Variants in CAST observed in about 807,000 individuals in gnomAD.
CAST encodes calpastatin.
In CAST, 76 loss-of-function variants were observed where a neutral mutation model predicts 119.6. The observed-to-expected ratio is 0.64, with a 90% CI of 0.53 to 0.77. CAST has a LOEUF of 0.77. Ranked by LOEUF, CAST falls within the 30% of genes least tolerant of loss-of-function variation. The pLI is 0.00. For synonymous variants in CAST, 319 were observed against 331.6 expected, an observed-to-expected ratio of 0.96 and a Z score of 0.41; for missense variants, 953 against 946.5, an observed-to-expected ratio of 1.01 and a Z score of -0.09.
chr5:96,104,239 T>A, the CAST span, among the ~76,000 whole-genome samples: 19 of 152,384 alleles, frequency 1.2e-4, no homozygotes, highest in African/African-American at 4.3e-4. Context: ...TTTAGTTTAA[T>A]TACATCCCAT....
the CAST span, among the ~76,000 whole-genome samples, chr5:96,455,018 A>G: frequency 2.6e-5 from 4 of 152,238 alleles, no homozygotes; most frequent in Admixed American, 2.0e-4. Context: ...TCCTTTCTAA[A>G]TGAATTTAGC....
chr5:96,573,837 CT>C (rs1398963198), intron 1 of CAST, among the ~76,000 whole-genome samples: 3 of 152,132 alleles, frequency 2.0e-5, no homozygotes, highest in African/African-American at 7.2e-5. Flanking sequence ...TGATTTTTGC[CT>C]GTTTTAGAAC....
chr5:96,331,895 A>T, the CAST span, among the ~76,000 whole-genome samples: 2 of 152,190 alleles, frequency 1.3e-5, no homozygotes, highest in Admixed American at 6.5e-5. Context: ...AAAGATGGGG[A>T]TATAATCATT....
At chr5:96,156,605 C>G in the CAST span, among the ~76,000 whole-genome samples, 178 of 152,252 alleles carry the variant, frequency 1.2e-3, 2 homozygotes, top group Non-Finnish European at 4.0e-4. Flanking sequence ...AAATAACTCC[C>G]TAAATTTGAG....
At chr5:96,061,283 G>A in the CAST span, among the ~76,000 whole-genome samples, 1 of 152,038 alleles carries the variant, frequency 6.6e-6, no homozygotes, top group Non-Finnish European at 1.5e-5. Context: ...TAGATAGTGG[G>A]ATACCAAATG....
chr5:95,962,501 T>G, the CAST span, among the ~76,000 whole-genome samples: 18 of 152,082 alleles, frequency 1.2e-4, no homozygotes, highest in African/African-American at 4.1e-4. Context: ...GCAGAGCTTA[T>G]AAAAACAAAA....
chr5:96,102,231 G>C, the CAST span, among the ~76,000 whole-genome samples: 2 of 152,192 alleles, frequency 1.3e-5, no homozygotes, highest in Non-Finnish European at 2.9e-5. Flanking sequence ...GGTGGAGGCA[G>C]AGAATTTTAT....
At chr5:96,567,295 C>T (rs1170829769) in intron 1 of CAST, among the ~76,000 whole-genome samples, 1 of 152,158 alleles carries the variant, frequency 6.6e-6, no homozygotes, top group Non-Finnish European at 1.5e-5. Flanking sequence ...AATCAAACCA[C>T]ACCCAACTCT....
At chr5:96,268,333 G>A in the CAST span, among the ~76,000 whole-genome samples, 39 of 152,224 alleles carry the variant, frequency 2.6e-4, no homozygotes, top group South Asian at 1.2e-3. Flanking sequence ...AGCACTTTAG[G>A]AGGCTCAGAT....
At chr5:96,343,842 T>C in the CAST span, among the ~76,000 whole-genome samples, 1 of 152,246 alleles carries the variant, frequency 6.6e-6, no homozygotes, top group Non-Finnish European at 1.5e-5. Context: ...CCTGCTGATC[T>C]ACTTTATCCT....
chr5:96,132,559 C>T, the CAST span, among the ~76,000 whole-genome samples: 4 of 152,184 alleles, frequency 2.6e-5, no homozygotes, highest in East Asian at 1.9e-4. Context: ...TCTTCATTCT[C>T]GCCCCCCATT....
chr5:96,703,897 T>C (rs1754402307), intron 3 of CAST, among the ~76,000 whole-genome samples: 1 of 152,228 alleles, frequency 6.6e-6, no homozygotes, highest in African/African-American at 2.4e-5. Flanking sequence ...ATAGATTGCT[T>C]CTTTCTGATG....
the CAST span, among the ~76,000 whole-genome samples, chr5:96,089,578 G>C: frequency 6.6e-6 from 1 of 152,152 alleles, no homozygotes; most frequent in East Asian, 1.9e-4. Flanking sequence ...AAATTTCTAT[G>C]ATGTACTAGT....
intron 3 of CAST, among the ~76,000 whole-genome samples, chr5:96,716,519 CGGGGAT>C (rs1042839799): frequency 1.3e-5 from 2 of 152,090 alleles, no homozygotes; most frequent in African/African-American, 2.4e-5. Flanking sequence ...GTTAAGGCTC[CGGGGAT>C]GGGGATGGGG....
the CAST span, chr5:96,412,956 T>A: frequency 9.9e-7 from 1 of 1,013,648 alleles, no homozygotes; most frequent in African/African-American, 1.8e-5. Context: ...AGCCCTCTGG[T>A]GATGCACCTC....
the CAST span, among the ~76,000 whole-genome samples, chr5:96,282,238 G>T: frequency 6.6e-6 from 1 of 152,156 alleles, no homozygotes. Flanking sequence ...ATAAATAACA[G>T]ACGTCCACCA....
the CAST span, among the ~76,000 whole-genome samples, chr5:96,469,889 T>TATATAC: frequency 0.18 from 26,276 of 144,996 alleles, 2,740 homozygotes; most frequent in Middle Eastern, 0.28. Flanking sequence ...AATATATATA[T>TATATAC]ACACACACAT....
the CAST span, among the ~76,000 whole-genome samples, chr5:96,065,417 G>GTA: frequency 6.6e-6 from 1 of 151,278 alleles, no homozygotes; most frequent in Non-Finnish European, 1.5e-5. Flanking sequence ...GTGTGTGTGT[G>GTA]TGTGTGTGTG....
At chr5:96,592,151 A>G (rs1016218903) in intron 1 of CAST, among the ~76,000 whole-genome samples, 8 of 152,210 alleles carry the variant, frequency 5.3e-5, no homozygotes, top group Admixed American at 4.6e-4. Flanking sequence ...GGTCCTGGCA[A>G]TTTGGGAGGC....
Sources: gnomAD v4.1 joint callset for allele counts (sites outside exome capture counted in the v4.1 genomes callset) on GRCh38, gnomAD v4.1.1 for gene constraint, MANE v1.5 for transcripts, NCBI Gene and HGNC (gene_info 2026-07-23, HGNC 2026-07-21) for gene names.